TBC1D19: variants seen among roughly 807,000 people sequenced by gnomAD.
TBC1D19 encodes TBC1 domain family member 19, also known as TBC1 domain family, member 19.
Under a neutral mutation model 89.0 loss-of-function variants are expected in TBC1D19, and 60 were observed. That is an observed-to-expected ratio of 0.67 (90% CI 0.55 to 0.84). The LOEUF (loss-of-function observed/expected upper bound fraction) is 0.84. TBC1D19 is among the 40% of genes least tolerant of loss of function. TBC1D19 has a pLI of 0.00. For missense variants in TBC1D19, 500 were observed against 610.8 expected, an observed-to-expected ratio of 0.82 and a Z score of 1.91; for synonymous variants, 189 against 199.7, an observed-to-expected ratio of 0.95 and a Z score of 0.45.
intron 1 of TBC1D19, among the ~76,000 whole-genome samples, chr4:26,596,570 A>T (rs755542212): frequency 6.8e-6 from 1 of 147,590 alleles, no homozygotes; most frequent in Non-Finnish European, 1.5e-5. Context: ...GGGGTTTACT[A>T]ATTTTCTCTT....
At chr4:26,771,220 G>C in the TBC1D19 span, among the ~76,000 whole-genome samples, 1 of 151,754 alleles carries the variant, frequency 6.6e-6, no homozygotes, top group Non-Finnish European at 1.5e-5. Context: ...TGAGAAATTG[G>C]AACACTTGTA....
At chr4:26,857,270 T>C in the TBC1D19 span, among the ~76,000 whole-genome samples, 2 of 152,228 alleles carry the variant, frequency 1.3e-5, no homozygotes, top group Admixed American at 6.5e-5. Context: ...TGTTAGCGTT[T>C]GTCGAGAGTC....
chr4:26,577,151 T>G (rs1208051133), intron 1 of TBC1D19, among the ~76,000 whole-genome samples: 3 of 152,176 alleles, frequency 2.0e-5, no homozygotes, highest in African/African-American at 7.2e-5. Context: ...GTCCTATGGA[T>G]TTCAGATTCA....
intron 1 of TBC1D19, chr4:26,576,847 G>T (rs1467771449): frequency 2.2e-6 from 1 of 456,090 alleles, no homozygotes; most frequent in African/African-American, 2.0e-5. Context: ...GCTATGTCAT[G>T]AACCTGTTGT....
chr4:26,612,152 A>G (rs1345917875), intron 1 of TBC1D19, among the ~76,000 whole-genome samples: 3 of 150,574 alleles, frequency 2.0e-5, no homozygotes, highest in Non-Finnish European at 4.4e-5. Context: ...AGCTGCTTGT[A>G]TTTCTGGGGG....
the TBC1D19 span, among the ~76,000 whole-genome samples, chr4:26,832,255 C>T: frequency 1.3e-5 from 2 of 152,112 alleles, no homozygotes; most frequent in African/African-American, 2.4e-5. Flanking sequence ...TCCTTTTGCC[C>T]TAAGGCCTCA....
At chr4:26,732,032 A>AT (rs1467399430) in intron 15 of TBC1D19, among the ~76,000 whole-genome samples, 4 of 152,024 alleles carry the variant, frequency 2.6e-5, no homozygotes, top group Non-Finnish European at 4.4e-5. Flanking sequence ...CTTCCTTCCT[A>AT]TTTTTTCTTC....
At chr4:26,587,416 A>C (rs1272354884) in intron 1 of TBC1D19, among the ~76,000 whole-genome samples, 1 of 151,958 alleles carries the variant, frequency 6.6e-6, no homozygotes, top group Non-Finnish European at 1.5e-5. Context: ...TATCTCCACA[A>C]AAAATACAAA....
chr4:26,695,201 G>A (rs944766983), intron 13 of TBC1D19, among the ~76,000 whole-genome samples: 2 of 152,174 alleles, frequency 1.3e-5, no homozygotes, highest in East Asian at 1.9e-4. Context: ...TGAGAACTAC[G>A]TGACAAATGC....
At chr4:26,594,712 T>C (rs1740082598) in intron 1 of TBC1D19, among the ~76,000 whole-genome samples, 1 of 152,214 alleles carries the variant, frequency 6.6e-6, no homozygotes, top group Non-Finnish European at 1.5e-5. Flanking sequence ...TAACGTAACT[T>C]AACTCTTTGT....
chr4:26,842,394 G>T, the TBC1D19 span, among the ~76,000 whole-genome samples: 1 of 133,418 alleles, frequency 7.5e-6, no homozygotes, highest in Admixed American at 8.4e-5. Context: ...ACCCAGGCTG[G>T]AGTGCAGTGG....
chr4:26,762,494 T>A, the TBC1D19 span, among the ~76,000 whole-genome samples: 1 of 152,188 alleles, frequency 6.6e-6, no homozygotes, highest in Non-Finnish European at 1.5e-5. Flanking sequence ...TTTTTCAGTA[T>A]CAAATGTGGT....
intron 7 of TBC1D19, among the ~76,000 whole-genome samples, chr4:26,656,686 G>A (rs1478612485): frequency 1.3e-5 from 2 of 151,732 alleles, no homozygotes. Context: ...AGCCTCCCGA[G>A]TAGCTGGAAC....
intron 13 of TBC1D19, among the ~76,000 whole-genome samples, chr4:26,695,895 T>C (rs980240384): frequency 6.6e-6 from 1 of 152,156 alleles, no homozygotes; most frequent in Non-Finnish European, 1.5e-5. Flanking sequence ...TACCAGCCAC[T>C]ATAAAAACAT....
the TBC1D19 span, among the ~76,000 whole-genome samples, chr4:26,770,749 A>G: frequency 6.6e-6 from 1 of 152,132 alleles, no homozygotes; most frequent in South Asian, 2.1e-4. Context: ...TTTTACAAGG[A>G]TTCAAGCCAT....
chr4:26,674,483 G>C (rs187112005), intron 11 of TBC1D19, among the ~76,000 whole-genome samples: 3 of 151,846 alleles, frequency 2.0e-5, no homozygotes, highest in Admixed American at 2.0e-4. Context: ...TTTGTTTTTT[G>C]CTTAAGCCCA....
intron 8 of TBC1D19, 121 bp downstream of exon 8, chr4:26,659,828 C>A: frequency 1.9e-6 from 1 of 534,980 alleles, no homozygotes; most frequent in Non-Finnish European, 3.1e-6. Flanking sequence ...AATAAAGTGA[C>A]GTTGATTCTT....
chr4:26,730,031 T>G (rs1717558140), intron 15 of TBC1D19, among the ~76,000 whole-genome samples: 3 of 152,086 alleles, frequency 2.0e-5, no homozygotes, highest in Admixed American at 6.6e-5. Flanking sequence ...CAAAAACTGG[T>G]TAGAGAACTG....
At chr4:26,583,198 T>C (rs1171065438), upstream of TBC1D19, among the ~76,000 whole-genome samples, 2 of 151,768 alleles carry the variant, frequency 1.3e-5, no homozygotes, top group East Asian at 3.9e-4. Context: ...TCACTAGGCC[T>C]TTTTTGGGGG....
Sources: gnomAD v4.1 joint callset for allele counts (sites outside exome capture counted in the v4.1 genomes callset) on GRCh38, gnomAD v4.1.1 for gene constraint, MANE v1.5 for transcripts, NCBI Gene and HGNC (gene_info 2026-07-23, HGNC 2026-07-21) for gene names.